Variants in SOX6 observed in about 807,000 individuals in gnomAD.
The protein encoded by SOX6 is transcription factor SOX-6.
SOX6 carries 11 observed loss-of-function variants against 97.8 expected under a neutral mutation model. The observed-to-expected ratio is 0.11, with a 90% confidence interval of 0.07 to 0.19. The LOEUF is 0.19. Ranked by LOEUF, SOX6 falls within the 10% of genes least tolerant of loss-of-function variation. The pLI, the probability that SOX6 is intolerant of heterozygous loss-of-function variation, is 1.00. For synonymous variants in SOX6, 360 were observed against 371.4 expected (o/e 0.97, Z 0.35); for missense variants, 810 against 1,039.5 (o/e 0.78, Z 3.04).
chr11:16,171,865 T>C (rs1348642247), intron 6 of SOX6, among the ~76,000 whole-genome samples: 1 of 151,568 alleles, frequency 6.6e-6, no homozygotes, highest in Non-Finnish European at 1.5e-5. Context: ...GAAATGAAAT[T>C]CTCTCATTTT....
intron 4 of SOX6, among the ~76,000 whole-genome samples, chr11:16,496,317 TAA>T (rs35080645): frequency 0.18 from 26,491 of 147,354 alleles, 2,731 homozygotes; most frequent in Admixed American, 0.31. Flanking sequence ...GAACATGGAT[TAA>T]AAAAAAAAAA....
In SOX6 at chr11:15,967,172, G is replaced by C. The variant is rs1393248860; in HGVS notation, c.*5637C>G. Reference sequence around the variant, plus strand: ...ATAGTTACCAGCCATGGGCCAAGTAGGTACCTGCATTATACATAGAATTTC... The same window carrying C: ...ATAGTTACCAGCCATGGGCCAAGTACGTACCTGCATTATACATAGAATTTC... On this transcript the variant is annotated 3_prime_UTR_variant, in exon 16 of 16. Coordinates refer to ENST00000683767, the MANE Select transcript of SOX6 (RefSeq NM_001367873.1). 6.6e-6 allele frequency: 1 copy of C among 151,908 alleles called. No individual in the cohort carries two copies. Among genetic ancestry groups the C allele is most frequent in the Non-Finnish European group, 1.5e-5 (1 of 68,006 alleles). 9.4% of individuals were successfully genotyped at this position (151,908 alleles called of 1,614,324 possible).
chr11:16,188,788 G>A (rs1286359469), intron 4 of SOX6, among the ~76,000 whole-genome samples: 3 of 152,098 alleles, frequency 2.0e-5, no homozygotes, highest in Non-Finnish European at 2.9e-5. Flanking sequence ...GATAGGCTGG[G>A]CACGGTGGCT....
chr11:16,334,687 C>T (rs980934642), intron 2 of SOX6, among the ~76,000 whole-genome samples: 11 of 152,016 alleles, frequency 7.2e-5, no homozygotes, highest in African/African-American at 2.4e-4. Context: ...CTTAGCCTCC[C>T]AAAGTGCTGG....
At chr11:16,375,271 C>T (rs1415739231) in intron 1 of SOX6, among the ~76,000 whole-genome samples, 1 of 152,092 alleles carries the variant, frequency 6.6e-6, no homozygotes, top group African/African-American at 2.4e-5. Flanking sequence ...ATAATGACAT[C>T]TTCTCATCAC....
At chr11:16,326,137 C>G (rs1856082342) in intron 2 of SOX6, among the ~76,000 whole-genome samples, 1 of 152,150 alleles carries the variant, frequency 6.6e-6, no homozygotes, top group African/African-American at 2.4e-5. Context: ...TTACTGTTTG[C>G]TCTCAAAAGA....
In SOX6 at chr11:16,049,634, G is replaced by A; in HGVS notation, c.1435+121C>T. 2.6e-6 allele frequency: 3 copies of A among 1,154,252 alleles called. No homozygotes were observed. The South Asian group carries it at 4.4e-5, about 17-fold the overall frequency. 71.5% of individuals were successfully genotyped at this position (1,154,252 alleles called of 1,614,324 possible). On this transcript the variant is annotated intron_variant, in intron 11 of 15. Transcript: ENST00000683767. The stretch of plus-strand genomic sequence containing the variant: ...AATTGGGTTATGTTTCAGTAGAAAA[G>A]ATAAGAGTATTATCTTTTACTAAGG...
intron 7 of SOX6, among the ~76,000 whole-genome samples, chr11:16,100,455 T>TA (rs964765744): frequency 1.3e-5 from 2 of 151,778 alleles, no homozygotes; most frequent in African/African-American, 4.8e-5. Context: ...TGACAGTTTT[T>TA]ATCATAAGAG....
At chr11:16,167,784 C>T (rs1393918320) in intron 6 of SOX6, among the ~76,000 whole-genome samples, 1 of 152,122 alleles carries the variant, frequency 6.6e-6, no homozygotes, top group Non-Finnish European at 1.5e-5. Flanking sequence ...TACCCACACA[C>T]CCTATTTAAA....
chr11:16,394,240 T>C lies in SOX6; in HGVS notation c.-4-52988A>G, dbSNP rs535419758. 6.6e-5 allele frequency among the ~76,000 whole-genome samples: 10 copies of C among 151,990 alleles called. No homozygotes were observed. The South Asian group carries it at 2.1e-3, about 31-fold the overall frequency. ...TTACTGCTCTAAAATAAAATGCAGA[T>C]AAGTAAAAAAATGTATAAGATAATA... is the stretch of plus-strand genomic sequence containing the variant. On this transcript the variant is annotated intron_variant, in intron 1 of 15. Transcript: ENST00000396356.
intron 4 of SOX6, among the ~76,000 whole-genome samples, chr11:16,594,346 G>T (rs1006407720): frequency 6.6e-6 from 1 of 152,048 alleles, no homozygotes; most frequent in Non-Finnish European, 1.5e-5. Flanking sequence ...ACTACAAATG[G>T]ACGCATTCTC....
upstream of SOX6, among the ~76,000 whole-genome samples, chr11:16,480,787 C>T (rs1860329167): frequency 6.6e-6 from 1 of 152,056 alleles, no homozygotes; most frequent in Non-Finnish European, 1.5e-5. Context: ...TTCCAAAACA[C>T]CTGTAACAAA....
At chr11:16,204,802 C>T (rs1323530911) in intron 4 of SOX6, among the ~76,000 whole-genome samples, 2 of 151,964 alleles carry the variant, frequency 1.3e-5, no homozygotes, top group African/African-American at 4.8e-5. Context: ...CATTCAACCC[C>T]CAAGTTTGAC....
chr11:16,098,582 G>A (rs1452337089), intron 7 of SOX6, among the ~76,000 whole-genome samples: 1 of 151,712 alleles, frequency 6.6e-6, no homozygotes, highest in Admixed American at 6.6e-5. Context: ...CATGACAGAG[G>A]TAACTGAAAT....
intron 3 of SOX6, among the ~76,000 whole-genome samples, chr11:16,708,410 T>G (rs1344431527): frequency 6.6e-6 from 1 of 152,194 alleles, no homozygotes; most frequent in Non-Finnish European, 1.5e-5. Context: ...ACAAGGTAGT[T>G]TGATAGTTTG....
intron 1 of SOX6, among the ~76,000 whole-genome samples, chr11:16,737,409 G>A (rs1848400065): frequency 6.6e-6 from 1 of 151,918 alleles, no homozygotes; most frequent in African/African-American, 2.4e-5. Context: ...GTTTCACCAT[G>A]TTGATCAGGC....
chr11:16,263,974 C>T (rs1198845917), intron 3 of SOX6, among the ~76,000 whole-genome samples: 2 of 151,848 alleles, frequency 1.3e-5, no homozygotes, highest in African/African-American at 4.8e-5. Flanking sequence ...GTAGTCCCAC[C>T]CACTACCCCT....
intron 3 of SOX6, among the ~76,000 whole-genome samples, chr11:16,650,320 GGATA>G (rs1309775817): frequency 6.6e-6 from 1 of 152,018 alleles, no homozygotes; most frequent in African/African-American, 2.4e-5. Flanking sequence ...AACAACTTCA[GGATA>G]CACATTCTTT....
At chr11:16,371,642 A>T (rs1857496997) in intron 1 of SOX6, among the ~76,000 whole-genome samples, 1 of 152,150 alleles carries the variant, frequency 6.6e-6, no homozygotes, top group Admixed American at 6.6e-5. Context: ...GCGCCAAAGA[A>T]TAATGAATAT....
Sources: gnomAD v4.1 joint callset for allele counts (sites outside exome capture counted in the v4.1 genomes callset) on GRCh38, gnomAD v4.1.1 for gene constraint, MANE v1.5 for transcripts, NCBI Gene and HGNC (gene_info 2026-07-23, HGNC 2026-07-21) for gene names.